SYT10: variants seen among roughly 807,000 people sequenced by gnomAD.
The protein encoded by SYT10 is synaptotagmin 10.
A neutral mutation model predicts 51.1 loss-of-function variants in SYT10; 31 were observed. That is an observed-to-expected ratio of 0.61 (90% CI 0.46 to 0.82). The LOEUF (loss-of-function observed/expected upper bound fraction) is 0.82. Among genes scored for constraint, SYT10 ranks in the 40% least tolerant of loss-of-function variants. The pLI, the probability that SYT10 is intolerant of heterozygous loss-of-function variation, is 0.00. For synonymous variants in SYT10, 233 were observed against 225.9 expected (o/e 1.03, Z -0.28); for missense variants, 603 against 634.0 (o/e 0.95, Z 0.53).
chr12:33,378,838 GTGTGTGTGTGTTTGTAGATGCATT>G (rs1215861923), intron 6 of SYT10, among the ~76,000 whole-genome samples: 1 of 147,352 alleles, frequency 6.8e-6, no homozygotes, highest in Non-Finnish European at 1.5e-5. Context: ...GTGTGTGTGT[GTGTGTGTGTGTTTGTAGATGCATT>G]TGTGTGTGTG....
intron 1 of SYT10, 78 bp downstream of exon 1, chr12:33,439,294 G>T: frequency 6.6e-7 from 1 of 1,513,612 alleles, no homozygotes. Flanking sequence ...CGCGGGAGGC[G>T]CAGAACCCCG....
At chr12:33,399,883 TG>T (rs1436242448) in intron 3 of SYT10, among the ~76,000 whole-genome samples, 3 of 152,214 alleles carry the variant, frequency 2.0e-5, no homozygotes, top group Admixed American at 1.3e-4. Flanking sequence ...CAGTTACTGG[TG>T]GCCCATAAGC....
At chr12:33,396,815 G>C (rs1866260047) in intron 3 of SYT10, among the ~76,000 whole-genome samples, 1 of 151,850 alleles carries the variant, frequency 6.6e-6, no homozygotes, top group Non-Finnish European at 1.5e-5. Flanking sequence ...CAAATAGCTG[G>C]GACTAGTAGA....
intron 1 of SYT10, among the ~76,000 whole-genome samples, chr12:33,438,198 T>C (rs1163386709): frequency 1.3e-5 from 2 of 152,182 alleles, no homozygotes; most frequent in African/African-American, 2.4e-5. Flanking sequence ...CAGGGCTCCA[T>C]GTTGTCCTGA....
chr12:33,426,614 A>G (rs1443520700), intron 1 of SYT10, 119 bp from the exon 2 acceptor site: 4 of 913,674 alleles, frequency 4.4e-6, no homozygotes, highest in Non-Finnish European at 6.3e-6. Context: ...CAAAAACTCA[A>G]TTTTAAGTTA....
At chr12:33,380,386 G>A (rs1459871266) in intron 5 of SYT10, among the ~76,000 whole-genome samples, 1 of 152,098 alleles carries the variant, frequency 6.6e-6, no homozygotes, top group Non-Finnish European at 1.5e-5. Flanking sequence ...AAATACAGCA[G>A]TACCAATTTT....
At chr12:33,439,272 CCGCGGGAGCGG>C (rs1866663588) in intron 1 of SYT10, 89 bp downstream of exon 1, 4 of 1,449,128 alleles carry the variant, frequency 2.8e-6, no homozygotes, top group East Asian at 4.6e-5. Flanking sequence ...CCCAAATATG[CCGCGGGAGCGG>C]CGCGGGAGGC....
Position 33,379,874 on chromosome 12 carries a change from G to C in SYT10, c.1458C>G (p.Ala486=). The change falls in exon 6 of 7, where the codon GCC becomes GCG. Residue 486 remains alanine (A), a synonymous_variant. Transcript: ENST00000228567. ...AGTGCGTTATTGGTTTTCGATGATA[G>C]GCCAGCATTTCATTCCAGTGGTCTC... ...LGRDHWNEML[A]YHRKPITHWH... 1 of 1,613,928 alleles carries C rather than the reference G, an allele frequency of 6.2e-7. No homozygotes were observed. Among genetic ancestry groups the C allele is most frequent in the Non-Finnish European group, 8.5e-7 (1 of 1,179,930 alleles).
chr12:33,391,257 T>A lies in SYT10; in HGVS notation c.1078-5966A>T, dbSNP rs189605905. Among the ~76,000 whole-genome samples the A allele has an allele frequency of 2.6e-4, 40 of 152,268 alleles. No individual in the cohort carries two copies. The East Asian group carries it at 3.3e-3, about 12-fold the overall frequency. ...GCTGCTTTTTATTTTATTTTATTTT[T>A]TTTTATCTTGTTTTGTAAATGTTTT... On this transcript the variant is annotated intron_variant, in intron 3 of 6. Coordinates refer to ENST00000228567, the MANE Select transcript of SYT10 (RefSeq NM_198992.4).
intron 3 of SYT10, among the ~76,000 whole-genome samples, chr12:33,387,263 G>T (rs1866164811): frequency 6.6e-6 from 1 of 152,182 alleles, no homozygotes; most frequent in Non-Finnish European, 1.5e-5. Context: ...AATTAAATTT[G>T]TGTTTGACCC....
chr12:33,378,645 A>G (rs187048360), intron 6 of SYT10, among the ~76,000 whole-genome samples: 29 of 152,328 alleles, frequency 1.9e-4, no homozygotes, highest in African/African-American at 6.5e-4. Flanking sequence ...CATACTTAAG[A>G]AAAGATCAGA....
intron 2 of SYT10, among the ~76,000 whole-genome samples, chr12:33,423,275 G>A (rs1271728525): frequency 2.6e-5 from 4 of 151,878 alleles, no homozygotes; most frequent in Admixed American, 2.0e-4. Context: ...CTAATAAGGT[G>A]AGGAAACAAA....
chr12:33,409,177 T>C (rs939674821), intron 2 of SYT10, among the ~76,000 whole-genome samples: 3 of 152,192 alleles, frequency 2.0e-5, no homozygotes, highest in African/African-American at 4.8e-5. Context: ...ATAGATGACA[T>C]TGCATGATTA....
At chr12:33,418,526 A>C (rs1866474323) in intron 2 of SYT10, among the ~76,000 whole-genome samples, 1 of 152,138 alleles carries the variant, frequency 6.6e-6, no homozygotes, top group Admixed American at 6.5e-5. Flanking sequence ...TTTCTAACAG[A>C]ATCTTTAAAT....
At chr12:33,378,512 AG>A (rs1866085127) in intron 6 of SYT10, among the ~76,000 whole-genome samples, 1 of 152,194 alleles carries the variant, frequency 6.6e-6, no homozygotes, top group African/African-American at 2.4e-5. Flanking sequence ...CGTAGTGAAC[AG>A]GCTGCTCAGA....
intron 4 of SYT10, 76 bp from the exon 5 acceptor site, chr12:33,382,596 C>A: frequency 7.4e-7 from 1 of 1,354,496 alleles, no homozygotes; most frequent in Non-Finnish European, 9.8e-7. Context: ...TTTATTTTTA[C>A]TAAATAAGAC....
intron 1 of SYT10, among the ~76,000 whole-genome samples, chr12:33,438,027 T>C (rs1866651943): frequency 6.6e-6 from 1 of 152,150 alleles, no homozygotes; most frequent in African/African-American, 2.4e-5. Flanking sequence ...TTGGCTCACG[T>C]TGCCGTGGAT....
At chr12:33,423,852 TA>T in intron 2 of SYT10, 2 of 426,756 alleles carry the variant, frequency 4.7e-6, no homozygotes. Context: ...GGCAAATTTT[TA>T]AATCTCTCTG....
intron 1 of SYT10, among the ~76,000 whole-genome samples, chr12:33,430,022 T>G (rs981711685): frequency 6.6e-6 from 1 of 152,118 alleles, no homozygotes; most frequent in African/African-American, 2.4e-5. Flanking sequence ...TCCGGATAAT[T>G]AAAAAGAATC....
Sources: allele counts gnomAD v4.1 joint callset (sites outside exome capture counted in the v4.1 genomes callset), GRCh38; gene constraint gnomAD v4.1.1; transcripts MANE v1.5; gene names NCBI Gene and HGNC (gene_info 2026-07-23, HGNC 2026-07-21).